The following WDFY4 variants were observed in gnomAD, a reference collection of about 807,000 sequenced individuals.
WDFY4 encodes WDFY family member 4, also known as WD repeat- and FYVE domain-containing protein 4.
A neutral mutation model predicts 351.9 loss-of-function variants in WDFY4; 169 were observed. The observed-to-expected ratio is 0.48, with a 90% CI of 0.42 to 0.55. The LOEUF (loss-of-function observed/expected upper bound fraction) is 0.55. Among genes scored for constraint, WDFY4 ranks in the 20% least tolerant of loss-of-function variants. WDFY4 has a pLI of 0.00. For missense variants in WDFY4, 3,803 were observed against 3,935.6 expected (o/e 0.97, Z 0.90); for synonymous variants, 1,622 against 1,574.6 (o/e 1.03, Z -0.71).
intron 39 of WDFY4, among the ~76,000 whole-genome samples, chr10:48,855,866 C>A (rs2069114680): frequency 6.6e-6 from 1 of 151,726 alleles, no homozygotes; most frequent in Non-Finnish European, 1.5e-5. Flanking sequence ...ATAATTACTC[C>A]ATTCATTATT....
intron 13 of WDFY4, among the ~76,000 whole-genome samples, 174 bp from the exon 14 acceptor site, chr10:48,774,284 G>C (rs1490580380): frequency 6.6e-6 from 1 of 152,150 alleles, no homozygotes; most frequent in Admixed American, 6.5e-5. Flanking sequence ...CCCCCCGCCA[G>C]GTGAGGAGGG....
rs1216021422 is a variant in WDFY4, at chr10:48,913,571, C to A, written c.7586+11708C>A. ...TCTCCTCCACAACATACAAGTTCTC[C>A]AGCCTCCTGATGGAGTCTATGAATA... On this transcript the variant is annotated intron_variant, in intron 47 of 61. Transcript: ENST00000325239. The A allele has an allele frequency of 1.9e-6, 3 of 1,614,000 alleles. No individual in the cohort carries two copies. In the African/African-American group the frequency reaches 4.0e-5, roughly 22 times the overall value.
intron 51 of WDFY4, 22 bp downstream of exon 51, chr10:48,946,991 TACACACAC>T (rs57927796): frequency 3.0e-5 from 33 of 1,099,392 alleles, no homozygotes; most frequent in Non-Finnish European, 4.1e-5. Flanking sequence ...CCACTCTCTG[TACACACAC>T]ACACACACAC....
intron 47 of WDFY4, chr10:48,913,693 G>A (rs1056830264): frequency 3.1e-6 from 5 of 1,613,024 alleles, no homozygotes; most frequent in Non-Finnish European, 4.2e-6. Context: ...TTGTTCAGTA[G>A]GTTGTCATGG....
chr10:48,926,024 G>A (rs971203054), intron 47 of WDFY4, among the ~76,000 whole-genome samples: 2 of 152,210 alleles, frequency 1.3e-5, no homozygotes, highest in African/African-American at 2.4e-5. Context: ...AAACCTCAAT[G>A]TGTCTGATAC....
Position 48,873,555 on chromosome 10 carries a change from G to A in WDFY4, c.6806G>A (p.Gly2269Glu). The A allele has an allele frequency of 1.9e-6, 3 of 1,551,732 alleles. No individual in the cohort carries two copies. Among genetic ancestry groups the A allele is most frequent in the Non-Finnish European group, 2.6e-6 (3 of 1,146,992 alleles). Residue 2269 changes from glycine to glutamate, a missense_variant, in exon 41 of 62, where the codon GGG (glycine) becomes GAG (glutamate). Gly to Glu is a moderately conservative substitution (Grantham distance 98). This residue lies in a region of WDFY4 where 3,054 missense variants were observed against 3,148.6 expected (regional missense o/e 0.97). Transcript: ENST00000325239. ...AWARIQEQLFGELGLWSQGEE... is the reference protein window; with the variant it reads ...AWARIQEQLFEELGLWSQGEE... ...GCCAGGATCCAGGAGCAGCTTTTTG[G>A]GGAGCTGGGCTTGTGGAGCCAGGGG...
At chr10:48,777,102 A>C in intron 16 of WDFY4, 118 bp downstream of exon 16, 1 of 1,288,448 alleles carries the variant, frequency 7.8e-7, no homozygotes, top group South Asian at 1.5e-5. Context: ...TCAGCAGAGG[A>C]AAATGTCTGG....
intron 43 of WDFY4, 116 bp downstream of exon 43, chr10:48,877,315 T>C (rs567110895): frequency 3.6e-4 from 357 of 994,376 alleles, no homozygotes; most frequent in Admixed American, 5.1e-4. Flanking sequence ...CCATTTGCTA[T>C]GAAAACTTTC....
At position 48,900,262 on chromosome 10, in the gene WDFY4, G is replaced by C; in HGVS notation, c.7479G>C (p.Lys2493Asn). The C allele has an allele frequency of 6.4e-6, 10 of 1,551,698 alleles. No homozygotes were observed. Among genetic ancestry groups the C allele is most frequent in the Non-Finnish European group, 8.7e-6 (10 of 1,146,962 alleles). Residue 2493 changes from lysine to asparagine, a missense_variant, in exon 46 of 62, where the codon AAG (lysine) becomes AAC (asparagine). Physicochemically the swap from Lys to Asn is moderately conservative, Grantham distance 94 (BLOSUM62 0). Coordinates refer to ENST00000325239, the MANE Select transcript of WDFY4 (RefSeq NM_001394531.1). ...TCTTCTTCCACAATGGATATTCCAA[G>C]TTTCTTGTCTTCTACAACAATGATC... Reference protein sequence around the residue: ...LEIFFHNGYSKFLVFYNNDRS... With the variant: ...LEIFFHNGYSNFLVFYNNDRS...
At chr10:48,775,572 C>T (rs1428248333) in intron 14 of WDFY4, 140 bp from the exon 15 acceptor site, 2 of 760,118 alleles carry the variant, frequency 2.6e-6, no homozygotes, top group African/African-American at 1.7e-5. Context: ...CCTGTCTCCA[C>T]ATTGCTTTCA....
intron 1 of WDFY4, among the ~76,000 whole-genome samples, chr10:48,686,593 C>T (rs2063057573): frequency 6.6e-6 from 1 of 152,124 alleles, no homozygotes; most frequent in Non-Finnish European, 1.5e-5. Flanking sequence ...TTGTTGAACT[C>T]TGTAAACATG....
At chr10:48,774,698 C>T (rs559860000) in intron 14 of WDFY4, 26 bp downstream of exon 14, 47 of 1,550,960 alleles carry the variant, frequency 3.0e-5, no homozygotes, top group African/African-American at 8.2e-5. Flanking sequence ...TATTCAGTGC[C>T]GCCAAGCTGG....
chr10:48,846,172 C>A (rs2068769722), intron 39 of WDFY4, among the ~76,000 whole-genome samples: 1 of 152,214 alleles, frequency 6.6e-6, no homozygotes, highest in South Asian at 2.1e-4. Flanking sequence ...TGTAGCTGAC[C>A]CCAGCTGCTT....
At chr10:48,849,534 T>C (rs1005714170) in intron 39 of WDFY4, among the ~76,000 whole-genome samples, 1 of 152,238 alleles carries the variant, frequency 6.6e-6, no homozygotes, top group African/African-American at 2.4e-5. Flanking sequence ...AGAGAGCCTG[T>C]GGAATGGCGT....
At chr10:48,899,234 T>C (rs891274020) in intron 45 of WDFY4, among the ~76,000 whole-genome samples, 2 of 152,194 alleles carry the variant, frequency 1.3e-5, no homozygotes, top group African/African-American at 4.8e-5. Flanking sequence ...GGGCAAGCTG[T>C]ACCCTCCACA....
chr10:48,800,554 G>A (rs1355689014), intron 24 of WDFY4, among the ~76,000 whole-genome samples: 4 of 152,102 alleles, frequency 2.6e-5, no homozygotes, highest in Non-Finnish European at 4.4e-5. Flanking sequence ...GTTGAGGCAA[G>A]GTTGGACAGG....
At chr10:48,838,186 T>G (rs1335898179) in intron 39 of WDFY4, among the ~76,000 whole-genome samples, 1 of 152,120 alleles carries the variant, frequency 6.6e-6, no homozygotes, top group East Asian at 1.9e-4. Flanking sequence ...TCTGTAGGAA[T>G]TCTACATCTG....
intron 11 of WDFY4, among the ~76,000 whole-genome samples, chr10:48,736,401 C>G (rs1364292756): frequency 6.6e-6 from 1 of 152,232 alleles, no homozygotes; most frequent in African/African-American, 2.4e-5. Context: ...AGGCCTAGAA[C>G]TGGCACGGGT....
intron 51 of WDFY4, among the ~76,000 whole-genome samples, chr10:48,954,158 C>T (rs543662497): frequency 7.9e-5 from 12 of 152,286 alleles, no homozygotes; most frequent in African/African-American, 2.9e-4. Flanking sequence ...TATATTGTTT[C>T]TGAACTCTTC....
Sources: gnomAD v4.1 joint callset for allele counts (sites outside exome capture counted in the v4.1 genomes callset) on GRCh38, gnomAD v4.1.1 for gene constraint, gnomAD v4.1.1 regional missense constraint, MANE v1.5 for transcripts, NCBI Gene and HGNC (gene_info 2026-07-23, HGNC 2026-07-21) for gene names.